TMC1: variants seen among roughly 807,000 people sequenced by gnomAD.
TMC1 encodes transmembrane channel like 1.
A neutral mutation model predicts 105.8 loss-of-function variants in TMC1; 84 were observed. The ratio of observed to expected loss-of-function variants is 0.79; its 90% CI spans 0.67 to 0.95. The LOEUF is 0.95. TMC1 is among the 40% of genes least tolerant of loss of function. The probability of loss-of-function intolerance (pLI) is 0.00; values close to 1 mark genes in which losing one functional copy is unlikely to be tolerated. For missense variants in TMC1, 817 were observed against 914.1 expected, an observed-to-expected ratio of 0.89 and a Z score of 1.37; for synonymous variants, 315 against 311.5, an observed-to-expected ratio of 1.01 and a Z score of -0.12.
At chr9:72,679,722 T>G (rs1037706575) in intron 5 of TMC1, among the ~76,000 whole-genome samples, 6 of 152,096 alleles carry the variant, frequency 3.9e-5, no homozygotes. Context: ...CATGAAGGTT[T>G]CATCCCATGA....
chr9:72,598,317 T>C (rs79511565), intron 2 of TMC1, among the ~76,000 whole-genome samples: 15,754 of 151,920 alleles, frequency 0.1, 1,039 homozygotes, highest in Non-Finnish European at 0.16. Context: ...TGCCTACCAG[T>C]CTCTGTGACT....
intron 20 of TMC1, among the ~76,000 whole-genome samples, chr9:72,823,587 G>A (rs574109787): frequency 7.2e-5 from 11 of 152,186 alleles, no homozygotes; most frequent in Non-Finnish European, 1.6e-4. Flanking sequence ...GACCTGGCTA[G>A]AGAGGGTAAA....
At chr9:72,592,036 T>A (rs764422622) in intron 2 of TMC1, among the ~76,000 whole-genome samples, 1 of 152,080 alleles carries the variant, frequency 6.6e-6, no homozygotes, top group African/African-American at 2.4e-5. Context: ...TATCATACAA[T>A]ACACAGAACA....
chr9:72,758,923 T>G (rs559910435), intron 12 of TMC1, among the ~76,000 whole-genome samples: 2 of 152,258 alleles, frequency 1.3e-5, no homozygotes, highest in East Asian at 3.9e-4. Flanking sequence ...ATATTTATAG[T>G]GATTTATACT....
chr9:72,550,110 A>G (rs1823836386), intron 1 of TMC1, among the ~76,000 whole-genome samples: 1 of 152,072 alleles, frequency 6.6e-6, no homozygotes, highest in Non-Finnish European at 1.5e-5. Flanking sequence ...TGCAGGACAA[A>G]TTGCCCTGAT....
At chr9:72,730,962 C>T (rs1318398608) in intron 8 of TMC1, among the ~76,000 whole-genome samples, 1 of 152,234 alleles carries the variant, frequency 6.6e-6, no homozygotes, top group African/African-American at 2.4e-5. Flanking sequence ...TGGGTAGTGG[C>T]TGTAAATACA....
chr9:72,654,525 C>T (rs1378962164), intron 5 of TMC1, among the ~76,000 whole-genome samples: 2 of 151,968 alleles, frequency 1.3e-5, no homozygotes, highest in African/African-American at 2.4e-5. Context: ...AGTGGGTTTA[C>T]AATATAAATC....
chr9:72,763,085 CT>C (rs148498655), intron 12 of TMC1, among the ~76,000 whole-genome samples: 1,281 of 109,496 alleles, frequency 0.012, 8 homozygotes, highest in African/African-American at 0.038. Flanking sequence ...CTAGCGATGC[CT>C]TTTTTTTTTT....
At chr9:72,563,190 G>A (rs960865007) in intron 1 of TMC1, among the ~76,000 whole-genome samples, 1 of 152,164 alleles carries the variant, frequency 6.6e-6, no homozygotes, top group Non-Finnish European at 1.5e-5. Context: ...GGTTTTGGTG[G>A]TGGATGGAGA....
intron 10 of TMC1, among the ~76,000 whole-genome samples, chr9:72,743,174 C>T (rs895597579): frequency 2.6e-5 from 4 of 151,176 alleles, no homozygotes; most frequent in Admixed American, 1.3e-4. Flanking sequence ...GAGACCATCC[C>T]GGCTAAAACG....
At chr9:72,592,940 C>T (rs1284989161) in intron 2 of TMC1, among the ~76,000 whole-genome samples, 1 of 152,120 alleles carries the variant, frequency 6.6e-6, no homozygotes, top group African/African-American at 2.4e-5. Context: ...GCGCCATCTG[C>T]TGGAAGTAAG....
At chr9:72,641,107 T>C (rs1306603740) in intron 4 of TMC1, among the ~76,000 whole-genome samples, 5 of 152,174 alleles carry the variant, frequency 3.3e-5, no homozygotes, top group Non-Finnish European at 7.4e-5. Flanking sequence ...TTATTTTTTC[T>C]TTTTAAGACA....
intron 5 of TMC1, among the ~76,000 whole-genome samples, chr9:72,675,524 G>A (rs559009865): frequency 2.7e-4 from 41 of 152,198 alleles, no homozygotes; most frequent in Middle Eastern, 3.4e-3. Flanking sequence ...CTTCATCAAC[G>A]TTAACTTTCT....
At chr9:72,708,228 T>A (rs913613191) in intron 8 of TMC1, among the ~76,000 whole-genome samples, 2 of 152,156 alleles carry the variant, frequency 1.3e-5, no homozygotes, top group African/African-American at 2.4e-5. Flanking sequence ...TTTTGCTTAG[T>A]CTTGATTTGG....
intron 10 of TMC1, among the ~76,000 whole-genome samples, chr9:72,746,985 C>A (rs1484839563): frequency 6.6e-6 from 1 of 152,084 alleles, no homozygotes; most frequent in Non-Finnish European, 1.5e-5. Context: ...ATAATCTATA[C>A]CCATTGTGAT....
intron 20 of TMC1, among the ~76,000 whole-genome samples, chr9:72,821,852 C>T (rs535347758): frequency 1.3e-5 from 2 of 152,260 alleles, no homozygotes; most frequent in Admixed American, 1.3e-4. Flanking sequence ...ATACCCCACA[C>T]TTTACCTAGG....
In TMC1 at chr9:72,756,574, A is replaced by C. The variant is rs1827679758; in HGVS notation, c.741+1690A>C. Among the ~76,000 whole-genome samples the C allele has an allele frequency of 2.0e-5, 3 of 151,790 alleles. No individual in the cohort carries two copies. The South Asian group carries it at 6.3e-4, about 32-fold the overall frequency. ...TAATGCATTACTATGTCCCTTTACCACTGTTTTAATTTCTCATTCTCTTCC... is the reference window on the plus strand; with the variant it reads ...TAATGCATTACTATGTCCCTTTACCCCTGTTTTAATTTCTCATTCTCTTCC... On this transcript the variant is annotated intron_variant, in intron 12 of 23. Coordinates refer to ENST00000297784, the MANE Select transcript of TMC1 (RefSeq NM_138691.3).
At chr9:72,709,429 T>C (rs376593825) in intron 8 of TMC1, among the ~76,000 whole-genome samples, 16 of 152,066 alleles carry the variant, frequency 1.1e-4, no homozygotes, top group South Asian at 4.1e-4. Flanking sequence ...ATAGTGTCAA[T>C]AGGATTGAAT....
intron 1 of TMC1, among the ~76,000 whole-genome samples, chr9:72,534,581 T>C (rs1294357358): frequency 6.6e-6 from 1 of 152,192 alleles, no homozygotes; most frequent in Non-Finnish European, 1.5e-5. Context: ...TCTGAATCTA[T>C]ATATTATTTT....
Sources: gnomAD v4.1 joint callset for allele counts (sites outside exome capture counted in the v4.1 genomes callset) on GRCh38, gnomAD v4.1.1 for gene constraint, MANE v1.5 for transcripts, NCBI Gene and HGNC (gene_info 2026-07-23, HGNC 2026-07-21) for gene names.